ACSL4: variants seen among roughly 807,000 people sequenced by gnomAD.
ACSL4 encodes the protein acyl-CoA synthetase long chain family member 4.
Under a neutral mutation model 49.1 loss-of-function variants are expected in ACSL4, and 9 were observed. The ratio of observed to expected loss-of-function variants is 0.18; its 90% CI spans 0.11 to 0.32. The LOEUF (loss-of-function observed/expected upper bound fraction) is 0.32. Ranked by LOEUF, ACSL4 falls within the 10% of genes least tolerant of loss-of-function variation. ACSL4 has a pLI of 1.00. For missense variants in ACSL4, 333 were observed against 493.7 expected, an observed-to-expected ratio of 0.67 and a Z score of 3.08; for synonymous variants, 191 against 170.3, an observed-to-expected ratio of 1.12 and a Z score of -0.95.
At chrX:109,656,818 T>C (rs1053849377) in intron 15 of ACSL4, among the ~76,000 whole-genome samples, 3 of 111,478 alleles carry the variant, frequency 2.7e-5, no homozygotes, top group African/African-American at 9.8e-5. Context: ...AGCCTACTAT[T>C]GAACTTGAGC....
chrX:109,664,005 T>C (rs1191102998), intron 12 of ACSL4, among the ~76,000 whole-genome samples: 1 of 111,628 alleles, frequency 9.0e-6, no homozygotes, highest in East Asian at 2.8e-4. Flanking sequence ...GAAGGAAGCT[T>C]ACTTTAAGGA....
At chrX:109,662,489 C>T (rs1214688668) in intron 13 of ACSL4, among the ~76,000 whole-genome samples, 3 of 111,113 alleles carry the variant, frequency 2.7e-5, no homozygotes, top group Admixed American at 9.6e-5. Flanking sequence ...GGTGAGGAAA[C>T]TCTATGTCTT....
intron 15 of ACSL4, among the ~76,000 whole-genome samples, chrX:109,652,672 T>C (rs1340091702): frequency 9.0e-6 from 1 of 111,525 alleles, no homozygotes; most frequent in Non-Finnish European, 1.9e-5. Context: ...GAAAATACTA[T>C]ATATTTTTAG....
intron 15 of ACSL4, among the ~76,000 whole-genome samples, chrX:109,647,943 G>C (rs1245627128): frequency 2.7e-5 from 3 of 111,098 alleles, no homozygotes; most frequent in African/African-American, 6.6e-5. Context: ...ATAAATTCCT[G>C]GACACATACA....
chrX:109,706,301 C>A (rs1267150087), intron 1 of ACSL4, among the ~76,000 whole-genome samples: 2 of 112,160 alleles, frequency 1.8e-5, no homozygotes, highest in East Asian at 5.5e-4. Flanking sequence ...TCCCTCTATA[C>A]TAAAGTTAGG....
intron 1 of ACSL4, among the ~76,000 whole-genome samples, chrX:109,723,527 A>G (rs1927724911): frequency 9.0e-6 from 1 of 111,354 alleles, no homozygotes; most frequent in African/African-American, 3.3e-5. Flanking sequence ...TGGAACTCCT[A>G]TGTCAGTGTA....
intron 15 of ACSL4, among the ~76,000 whole-genome samples, chrX:109,645,028 C>G (rs906945547): frequency 1.8e-5 from 2 of 112,778 alleles, no homozygotes; most frequent in Non-Finnish European, 3.8e-5. Context: ...CCTACGCCCA[C>G]GGAGTCTCGC....
intron 1 of ACSL4, among the ~76,000 whole-genome samples, chrX:109,724,261 T>G (rs979256803): frequency 1.9e-4 from 21 of 111,126 alleles, no homozygotes; most frequent in Non-Finnish European, 3.6e-4. Context: ...TATTTATTTT[T>G]GGGGGGCTTT....
intron 13 of ACSL4, among the ~76,000 whole-genome samples, chrX:109,662,343 T>C (rs953894416): frequency 3.6e-5 from 4 of 111,032 alleles, no homozygotes; most frequent in African/African-American, 9.8e-5. Context: ...GAAAAAAGCT[T>C]ATTGTTTCTC....
chrX:109,666,437 G>A (rs1414082848), intron 11 of ACSL4, among the ~76,000 whole-genome samples: 1 of 111,399 alleles, frequency 9.0e-6, no homozygotes, highest in African/African-American at 3.3e-5. Context: ...GTATATGTGG[G>A]GAATAATGGA....
rs188216118 is a variant in ACSL4 at position 109,690,010 on chromosome X, C to A, written c.-13+6134G>T. On this transcript the variant is annotated intron_variant, in intron 2 of 15. Coordinates refer to ENST00000672401, the MANE Select transcript of ACSL4 (RefSeq NM_001318510.2). The stretch of plus-strand genomic sequence containing the variant: ...TAACGTGAAGGTAGCTAACTTTAAT[C>A]ATCTTAAAAAACAATCACTTGTCCA... Among the ~76,000 whole-genome samples, 329 of 112,078 alleles carry A rather than the reference C, an allele frequency of 2.9e-3. 1 individual carries two copies. The highest frequency in any genetic ancestry group is 8.7e-3 in the African/African-American group (269 of 30,890).
chrX:109,644,943 C>G (rs1335360871), intron 15 of ACSL4, among the ~76,000 whole-genome samples: 1 of 113,034 alleles, frequency 8.8e-6, no homozygotes, highest in Admixed American at 9.2e-5. Flanking sequence ...CACTCCCACC[C>G]AAATACTGTG....
intron 15 of ACSL4, among the ~76,000 whole-genome samples, chrX:109,644,855 T>C (rs958611060): frequency 1.8e-5 from 2 of 113,337 alleles, no homozygotes; most frequent in Admixed American, 9.2e-5. Context: ...GGGCGAGGCA[T>C]TGCCTCACTC....
intron 1 of ACSL4, among the ~76,000 whole-genome samples, chrX:109,726,819 C>T (rs1928033487): frequency 9.0e-6 from 1 of 111,278 alleles, no homozygotes; most frequent in Non-Finnish European, 1.9e-5. Flanking sequence ...GCAAAGACTA[C>T]AGGCACATGC....
chrX:109,666,648 C>A (rs912626953), intron 11 of ACSL4, among the ~76,000 whole-genome samples: 1 of 111,666 alleles, frequency 9.0e-6, no homozygotes, highest in Admixed American at 9.5e-5. Flanking sequence ...GGCGCAGTGG[C>A]TCCCGCCTGT....
intron 10 of ACSL4, 119 bp from the exon 11 acceptor site, chrX:109,668,392 C>T (rs1922866199): frequency 8.1e-6 from 5 of 617,924 alleles, no homozygotes; most frequent in Non-Finnish European, 7.2e-6. Context: ...GTCAGAATCA[C>T]GGTGAGAATG....
At chrX:109,675,467 G>GT (rs1403793485) in intron 8 of ACSL4, among the ~76,000 whole-genome samples, 1 of 112,144 alleles carries the variant, frequency 8.9e-6, no homozygotes, top group African/African-American at 3.2e-5. Flanking sequence ...TAGATTCCTA[G>GT]TAAGATTGAG....
Position 109,682,695 on chromosome X carries a change from C to G in ACSL4, c.406+24G>C, listed in dbSNP as rs754365300. The G allele has an allele frequency of 3.1e-5, 37 of 1,207,820 alleles. 1 individual carries two copies. In the Admixed American group the frequency reaches 4.6e-4, roughly 15 times the overall value. ...TGCAAGCAAAGACCCTCCTCTCCCC[C>G]CTCCAAAAACACAAGGCACTTACGA... On this transcript the variant is annotated intron_variant, in intron 4 of 15. Transcript: ENST00000672401.
intron 1 of ACSL4, among the ~76,000 whole-genome samples, chrX:109,715,110 A>G (rs911525708): frequency 3.6e-5 from 4 of 111,570 alleles, no homozygotes; most frequent in Admixed American, 9.6e-5. Flanking sequence ...AGATCACCGT[A>G]TTTTGTTTTA....
Sources: allele counts gnomAD v4.1 joint callset (sites outside exome capture counted in the v4.1 genomes callset), GRCh38; gene constraint gnomAD v4.1.1; transcripts MANE v1.5; gene names NCBI Gene and HGNC (gene_info 2026-07-23, HGNC 2026-07-21).